NRG1: variants seen among roughly 807,000 people sequenced by gnomAD.
NRG1 encodes pro-neuregulin-1, membrane-bound isoform.
NRG1 carries 18 observed loss-of-function variants against 63.8 expected under a neutral mutation model. The observed-to-expected ratio is 0.28, with a 90% CI of 0.19 to 0.42. The LOEUF is 0.42. NRG1 is among the 10% of genes least tolerant of loss of function. NRG1 has a pLI of 1.00. For synonymous variants in NRG1, 302 were observed against 301.3 expected (o/e 1.00, Z -0.02); for missense variants, 762 against 814.7 (o/e 0.94, Z 0.79).
chr8:32,696,441 C>T (rs1225636518), intron 5 of NRG1, among the ~76,000 whole-genome samples: 1 of 152,054 alleles, frequency 6.6e-6, no homozygotes, highest in Non-Finnish European at 1.5e-5. Context: ...CATTTAACTC[C>T]TGCAGCAACA....
upstream of NRG1, among the ~76,000 whole-genome samples, chr8:32,548,043 C>T (rs559280349): frequency 8.5e-4 from 130 of 152,212 alleles, 1 homozygote; most frequent in African/African-American, 3.0e-3. Flanking sequence ...GGTCTCCGCG[C>T]AGCGTCCAGC....
At position 31,780,454 on chromosome 8, in the gene NRG1, A is replaced by G. The variant is rs576116149; in HGVS notation, c.37+141023A>G. Among the ~76,000 whole-genome samples, 5 of 152,352 alleles carry G rather than the reference A, an allele frequency of 3.3e-5. No individual in the cohort carries two copies. The South Asian group carries it at 1.0e-3, about 32-fold the overall frequency. The stretch of plus-strand genomic sequence containing the variant: ...AATTAAGATAGGTCAAATATGGAAC[A>G]GATGGATTGAATGATTCCCTAGAAT... On this transcript the variant is annotated intron_variant, in intron 1 of 10. Transcript: ENST00000519301.
At chr8:32,582,087 T>TTTTATTTTATTTTATTTTA (rs1840755584) in intron 1 of NRG1, among the ~76,000 whole-genome samples, 1 of 151,238 alleles carries the variant, frequency 6.6e-6, no homozygotes, top group African/African-American at 2.4e-5. Context: ...TTTTATTTTA[T>TTTTATTTTATTTTATTTTA]TTTATTTTGT....
At chr8:32,471,378 C>T (rs1468372518) in intron 1 of NRG1, among the ~76,000 whole-genome samples, 2 of 152,138 alleles carry the variant, frequency 1.3e-5, no homozygotes, top group Non-Finnish European at 2.9e-5. Context: ...GTTTTTTCCC[C>T]TACATTTTGT....
intron 1 of NRG1, among the ~76,000 whole-genome samples, chr8:31,882,113 G>A (rs1830391320): frequency 6.6e-6 from 1 of 152,008 alleles, no homozygotes; most frequent in South Asian, 2.1e-4. Flanking sequence ...TCAAGGGACA[G>A]GCTATCTTGT....
At chr8:32,545,579 T>G (rs1327139259), upstream of NRG1, among the ~76,000 whole-genome samples, 1 of 152,118 alleles carries the variant, frequency 6.6e-6, no homozygotes, top group Non-Finnish European at 1.5e-5. Flanking sequence ...TTGCTACTCC[T>G]GACCACAGAG....
chr8:32,341,072 A>G (rs1804011639), intron 1 of NRG1, among the ~76,000 whole-genome samples: 1 of 152,182 alleles, frequency 6.6e-6, no homozygotes, highest in Non-Finnish European at 1.5e-5. Flanking sequence ...TGTAGCTCAA[A>G]TCATTTAACT....
At chr8:32,550,709 C>T (rs55890011) in intron 1 of NRG1, among the ~76,000 whole-genome samples, 9,452 of 152,224 alleles carry the variant, frequency 0.062, 386 homozygotes, top group Non-Finnish European at 0.094. Context: ...TGATTAGCTA[C>T]GCTCTCTTGA....
intron 1 of NRG1, among the ~76,000 whole-genome samples, chr8:31,798,761 CTAAT>C (rs754577774): frequency 6.6e-6 from 1 of 152,060 alleles, no homozygotes; most frequent in African/African-American, 2.4e-5. Flanking sequence ...TTAAATAACT[CTAAT>C]TAGGAGTCAG....
At chr8:32,675,016 A>G (rs543992100) in intron 5 of NRG1, among the ~76,000 whole-genome samples, 105 of 152,330 alleles carry the variant, frequency 6.9e-4, no homozygotes, top group Non-Finnish European at 1.2e-3. Context: ...TAAGCATGAC[A>G]GTTTCACCTT....
intron 1 of NRG1, among the ~76,000 whole-genome samples, chr8:31,737,883 A>G (rs771430371): frequency 6.6e-6 from 1 of 152,102 alleles, no homozygotes; most frequent in African/African-American, 2.4e-5. Context: ...ACATTAGCTT[A>G]TTAGAGATTC....
At chr8:32,323,061 G>A (rs866054274) in intron 1 of NRG1, among the ~76,000 whole-genome samples, 1 of 151,930 alleles carries the variant, frequency 6.6e-6, no homozygotes, top group African/African-American at 2.4e-5. Context: ...TTCCGTGAGA[G>A]TAAGGTCATT....
chr8:31,721,730 G>T (rs1257897853), intron 1 of NRG1, among the ~76,000 whole-genome samples: 2 of 152,062 alleles, frequency 1.3e-5, no homozygotes, highest in African/African-American at 4.8e-5. Context: ...TTCTGGTGGG[G>T]TGTGTGTGAA....
intron 1 of NRG1, among the ~76,000 whole-genome samples, chr8:31,960,219 A>T (rs1445194912): frequency 6.6e-6 from 1 of 152,190 alleles, no homozygotes; most frequent in Non-Finnish European, 1.5e-5. Context: ...TGATCCATTA[A>T]GTCTCATTGT....
intron 5 of NRG1, among the ~76,000 whole-genome samples, chr8:32,675,869 CAAGTT>C (rs778919357): frequency 6.6e-6 from 1 of 152,084 alleles, no homozygotes; most frequent in East Asian, 1.9e-4. Context: ...GTGAAATACT[CAAGTT>C]AATTTGTCTT....
intron 1 of NRG1, among the ~76,000 whole-genome samples, chr8:31,840,673 T>C (rs1826115761): frequency 6.6e-6 from 1 of 152,150 alleles, no homozygotes; most frequent in Non-Finnish European, 1.5e-5. Flanking sequence ...ACACACGCAC[T>C]CATGCTCAGA....
intron 1 of NRG1, among the ~76,000 whole-genome samples, chr8:32,258,586 G>C (rs1850008128): frequency 6.6e-6 from 1 of 152,160 alleles, no homozygotes; most frequent in South Asian, 2.1e-4. Context: ...ATGTGGAAGA[G>C]GAAGCAGGCA....
chr8:32,397,123 G>A (rs1812532247), intron 1 of NRG1, among the ~76,000 whole-genome samples: 1 of 151,278 alleles, frequency 6.6e-6, no homozygotes, highest in Non-Finnish European at 1.5e-5. Flanking sequence ...TTAGTAGGTA[G>A]ATAGATAGAT....
chr8:32,770,661 C>G (rs1471114419), downstream of NRG1, among the ~76,000 whole-genome samples: 5 of 152,132 alleles, frequency 3.3e-5, no homozygotes. Flanking sequence ...AATGAATTCA[C>G]AATTTCGACA....
Sources: allele counts gnomAD v4.1 joint callset (sites outside exome capture counted in the v4.1 genomes callset), GRCh38; gene constraint gnomAD v4.1.1; transcripts MANE v1.5; gene names NCBI Gene and HGNC (gene_info 2026-07-23, HGNC 2026-07-21).